Variants in PABPC4L observed in about 807,000 individuals in gnomAD.
PABPC4L encodes the protein polyadenylate-binding protein 4-like.
For synonymous variants in PABPC4L, 169 were observed against 164.1 expected, an observed-to-expected ratio of 1.03 and a Z score of -0.23; for missense variants, 452 against 451.4, an observed-to-expected ratio of 1.00 and a Z score of -0.01.
At chr4:133,950,556 C>A in the PABPC4L span, among the ~76,000 whole-genome samples, 2 of 152,150 alleles carry the variant, frequency 1.3e-5, no homozygotes, top group African/African-American at 4.8e-5. Context: ...AACATTAGTT[C>A]TCTCATTATG....
the PABPC4L span, among the ~76,000 whole-genome samples, chr4:133,952,981 A>G: frequency 6.6e-6 from 1 of 152,104 alleles, no homozygotes; most frequent in Non-Finnish European, 1.5e-5. Context: ...ATTAGGGAGG[A>G]GCAAGCCACT....
the PABPC4L span, among the ~76,000 whole-genome samples, chr4:134,109,896 C>T: frequency 2.6e-5 from 4 of 151,912 alleles, no homozygotes; most frequent in Admixed American, 6.6e-5. Context: ...CGTGTGCCAC[C>T]CAGAAACTCT....
chr4:134,062,385 G>T, the PABPC4L span, among the ~76,000 whole-genome samples: 1 of 151,812 alleles, frequency 6.6e-6, no homozygotes, highest in African/African-American at 2.4e-5. Flanking sequence ...CTGCCAAAAG[G>T]TTGCAAAATT....
At chr4:134,110,054 A>G in the PABPC4L span, among the ~76,000 whole-genome samples, 3 of 152,230 alleles carry the variant, frequency 2.0e-5, no homozygotes, top group East Asian at 1.9e-4. Context: ...GCAAAGAAAC[A>G]TATCACTTGC....
At chr4:133,972,087 C>G in the PABPC4L span, among the ~76,000 whole-genome samples, 1 of 152,164 alleles carries the variant, frequency 6.6e-6, no homozygotes, top group Non-Finnish European at 1.5e-5. Flanking sequence ...CAGGACTCTA[C>G]CAATTACTGC....
chr4:133,962,956 C>T, the PABPC4L span, among the ~76,000 whole-genome samples: 1 of 151,930 alleles, frequency 6.6e-6, no homozygotes, highest in Non-Finnish European at 1.5e-5. Flanking sequence ...ATACAGGCAA[C>T]AAATATCACC....
chr4:133,971,202 TC>T, the PABPC4L span, among the ~76,000 whole-genome samples: 1 of 136,180 alleles, frequency 7.3e-6, no homozygotes, highest in Non-Finnish European at 1.5e-5. Flanking sequence ...AAGCTCCGCC[TC>T]CTGGGTTCAC....
the PABPC4L span, among the ~76,000 whole-genome samples, chr4:133,974,943 C>T: frequency 2.0e-5 from 3 of 152,074 alleles, no homozygotes; most frequent in African/African-American, 4.8e-5. Flanking sequence ...GTTTGATAGA[C>T]TCTGATAAAG....
At chr4:134,024,492 T>G in the PABPC4L span, among the ~76,000 whole-genome samples, 4 of 152,130 alleles carry the variant, frequency 2.6e-5, no homozygotes, top group Non-Finnish European at 5.9e-5. Context: ...GCCTCTCTTC[T>G]GCCAATGTTC....
the PABPC4L span, among the ~76,000 whole-genome samples, chr4:133,998,311 A>C: frequency 6.6e-6 from 1 of 151,876 alleles, no homozygotes; most frequent in Non-Finnish European, 1.5e-5. Context: ...TGAAGTTCAC[A>C]TTTTCCCATG....
At chr4:134,094,245 T>G in the PABPC4L span, among the ~76,000 whole-genome samples, 1 of 152,112 alleles carries the variant, frequency 6.6e-6, no homozygotes, top group African/African-American at 2.4e-5. Flanking sequence ...TTCCATATTT[T>G]TATTGAAAGG....
chr4:134,179,792 A>G, the PABPC4L span, among the ~76,000 whole-genome samples: 1 of 152,224 alleles, frequency 6.6e-6, no homozygotes, highest in South Asian at 2.1e-4. Context: ...GCAAAAAAAA[A>G]TGCATTACCT....
the PABPC4L span, among the ~76,000 whole-genome samples, chr4:134,047,091 T>A: frequency 6.6e-6 from 1 of 152,216 alleles, no homozygotes; most frequent in Non-Finnish European, 1.5e-5. Flanking sequence ...TATGACTTGC[T>A]GTTTAGAATT....
chr4:134,078,300 G>A, the PABPC4L span, among the ~76,000 whole-genome samples: 254 of 152,230 alleles, frequency 1.7e-3, no homozygotes, highest in Middle Eastern at 0.024. Context: ...CCAAAAGCAC[G>A]TGTATAAAAA....
At chr4:134,135,863 C>T in the PABPC4L span, among the ~76,000 whole-genome samples, 2 of 151,848 alleles carry the variant, frequency 1.3e-5, no homozygotes, top group Non-Finnish European at 2.9e-5. Flanking sequence ...AAATAAAACA[C>T]AGCAGAAAAG....
chr4:134,089,144 T>A, the PABPC4L span, among the ~76,000 whole-genome samples: 2 of 152,142 alleles, frequency 1.3e-5, no homozygotes, highest in African/African-American at 4.8e-5. Context: ...TTATTGCTAA[T>A]AGTAACTAAA....
the PABPC4L span, among the ~76,000 whole-genome samples, chr4:134,023,338 C>G: frequency 6.6e-6 from 1 of 152,144 alleles, no homozygotes; most frequent in Non-Finnish European, 1.5e-5. Context: ...AAATTCCAGA[C>G]AGACTTTCAG....
the PABPC4L span, among the ~76,000 whole-genome samples, chr4:134,107,514 G>C: frequency 6.6e-6 from 1 of 151,552 alleles, no homozygotes; most frequent in African/African-American, 2.4e-5. Flanking sequence ...TAAAGTGTGA[G>C]TATTGCTCCT....
At chr4:134,046,572 A>G in the PABPC4L span, among the ~76,000 whole-genome samples, 5 of 151,900 alleles carry the variant, frequency 3.3e-5, no homozygotes, top group African/African-American at 1.2e-4. Context: ...CCTTACGGGT[A>G]TGGGGCTGGG....
Sources: allele counts gnomAD v4.1 joint callset (sites outside exome capture counted in the v4.1 genomes callset), GRCh38; gene constraint gnomAD v4.1.1; transcripts MANE v1.5; gene names NCBI Gene and HGNC (gene_info 2026-07-23, HGNC 2026-07-21).